Variants in CPQ observed in about 807,000 individuals in gnomAD.
CPQ encodes the protein Ser-Met dipeptidase.
Under a neutral mutation model 45.7 loss-of-function variants are expected in CPQ, and 37 were observed. The observed-to-expected ratio is 0.81, with a 90% confidence interval of 0.62 to 1.07. The LOEUF is 1.07. Among genes scored for constraint, CPQ ranks in the 50% least tolerant of loss-of-function variants. The pLI, the probability that CPQ is intolerant of heterozygous loss-of-function variation, is 0.00. For synonymous variants in CPQ, 186 were observed against 205.8 expected, an observed-to-expected ratio of 0.90 and a Z score of 0.82; for missense variants, 537 against 572.9, an observed-to-expected ratio of 0.94 and a Z score of 0.64.
chr8:96,826,405 G>A (rs942332348), intron 2 of CPQ, among the ~76,000 whole-genome samples: 1 of 151,920 alleles, frequency 6.6e-6, no homozygotes, highest in African/African-American at 2.4e-5. Flanking sequence ...ACTCAGTAAT[G>A]CTATGATAAC....
intron 7 of CPQ, among the ~76,000 whole-genome samples, chr8:97,112,397 C>T (rs1219840512): frequency 6.6e-6 from 1 of 152,102 alleles, no homozygotes; most frequent in African/African-American, 2.4e-5. Context: ...GAAGAACTGA[C>T]CCATAAGCTG....
At chr8:97,065,974 C>T in intron 6 of CPQ, 35 bp from the exon 7 acceptor site, 1 of 1,596,260 alleles carries the variant, frequency 6.3e-7, no homozygotes, top group Non-Finnish European at 8.6e-7. Context: ...ACTGAAGCAA[C>T]AGATAAGAAC....
intron 3 of CPQ, among the ~76,000 whole-genome samples, chr8:96,860,180 T>C (rs1811907419): frequency 6.6e-6 from 1 of 152,142 alleles, no homozygotes; most frequent in Non-Finnish European, 1.5e-5. Flanking sequence ...TGTGGGTACA[T>C]TTAGTACCTT....
At chr8:97,078,804 T>TCTCTCTCC (rs1810897368) in intron 7 of CPQ, among the ~76,000 whole-genome samples, 1 of 145,880 alleles carries the variant, frequency 6.9e-6, no homozygotes, top group Non-Finnish European at 1.5e-5. Context: ...TCTCTCTCTC[T>TCTCTCTCC]CTCCCTCTCT....
chr8:96,866,641 G>T (rs759292599), intron 3 of CPQ, among the ~76,000 whole-genome samples: 5 of 151,848 alleles, frequency 3.3e-5, no homozygotes, highest in Admixed American at 6.6e-5. Flanking sequence ...TGGTGTTAAC[G>T]TTCATCTATT....
At chr8:97,043,442 T>C (rs1810170798) in intron 6 of CPQ, among the ~76,000 whole-genome samples, 1 of 151,996 alleles carries the variant, frequency 6.6e-6, no homozygotes, top group Admixed American at 6.6e-5. Flanking sequence ...CTTTATCCAG[T>C]TTGCCAGTCT....
At chr8:96,742,043 T>A (rs1161808861) in intron 1 of CPQ, among the ~76,000 whole-genome samples, 2 of 144,072 alleles carry the variant, frequency 1.4e-5, no homozygotes, top group Non-Finnish European at 3.0e-5. Context: ...TGACTTTCTG[T>A]CTCATTGATC....
chr8:97,130,355 T>C (rs958114578), intron 7 of CPQ, among the ~76,000 whole-genome samples: 1 of 151,254 alleles, frequency 6.6e-6, no homozygotes, highest in African/African-American at 2.4e-5. Flanking sequence ...TGAGTATAAA[T>C]GATGAAACAG....
At chr8:96,986,977 G>T (rs1005737260) in intron 5 of CPQ, among the ~76,000 whole-genome samples, 5 of 152,174 alleles carry the variant, frequency 3.3e-5, no homozygotes, top group African/African-American at 1.2e-4. Flanking sequence ...ATCATTGTTG[G>T]CTAGTGGCCC....
intron 6 of CPQ, among the ~76,000 whole-genome samples, chr8:97,046,954 G>C (rs1810269543): frequency 6.6e-6 from 1 of 152,060 alleles, no homozygotes; most frequent in Non-Finnish European, 1.5e-5. Flanking sequence ...GTAAGGAAAA[G>C]TAATTTGTTT....
chr8:96,853,954 G>C (rs1811806366), intron 3 of CPQ, among the ~76,000 whole-genome samples: 1 of 152,170 alleles, frequency 6.6e-6, no homozygotes, highest in African/African-American at 2.4e-5. Context: ...CAGCCTAATA[G>C]CTATTCTAAC....
intron 2 of CPQ, among the ~76,000 whole-genome samples, chr8:96,827,494 T>A (rs1336236748): frequency 1.3e-5 from 2 of 152,168 alleles, no homozygotes; most frequent in African/African-American, 4.8e-5. Context: ...GGCTTGGTAT[T>A]TACTGAAGTC....
chr8:97,041,746 G>C (rs1270664003), intron 6 of CPQ, among the ~76,000 whole-genome samples: 1 of 152,160 alleles, frequency 6.6e-6, no homozygotes. Flanking sequence ...AGATAATCAT[G>C]TGGTTTTTGT....
intron 3 of CPQ, among the ~76,000 whole-genome samples, chr8:96,877,744 C>T (rs955565263): frequency 1.3e-5 from 2 of 152,066 alleles, no homozygotes; most frequent in Non-Finnish European, 2.9e-5. Flanking sequence ...TTTACAAATG[C>T]GGAAATTTAG....
chr8:96,914,521 C>T (rs1044324903), intron 4 of CPQ, among the ~76,000 whole-genome samples: 1 of 152,156 alleles, frequency 6.6e-6, no homozygotes, highest in Non-Finnish European at 1.5e-5. Flanking sequence ...CTTGTGTCCA[C>T]AAATCTGAAA....
intron 5 of CPQ, among the ~76,000 whole-genome samples, chr8:96,974,922 C>T (rs1251268337): frequency 6.6e-6 from 1 of 151,814 alleles, no homozygotes; most frequent in African/African-American, 2.4e-5. Context: ...TGAAAGAGAA[C>T]CAATAGACAA....
chr8:96,769,830 T>TG (rs1259576877), intron 1 of CPQ, among the ~76,000 whole-genome samples: 1 of 151,766 alleles, frequency 6.6e-6, no homozygotes, highest in Non-Finnish European at 1.5e-5. Context: ...TGGGTAGAGA[T>TG]GGGGTTTCAC....
chr8:97,080,720 CATG>C (rs1165397536), intron 7 of CPQ, among the ~76,000 whole-genome samples: 6 of 152,246 alleles, frequency 3.9e-5, no homozygotes, highest in East Asian at 3.9e-4. Flanking sequence ...TTGCATAATT[CATG>C]ATAACTAAAC....
chr8:97,122,960 A>T (rs1260045569), intron 7 of CPQ, among the ~76,000 whole-genome samples: 4 of 87,330 alleles, frequency 4.6e-5, no homozygotes, highest in Non-Finnish European at 7.7e-5. Context: ...ATAAAATAAA[A>T]TAAAATAAAA....
Sources: gnomAD v4.1 joint callset for allele counts (sites outside exome capture counted in the v4.1 genomes callset) on GRCh38, gnomAD v4.1.1 for gene constraint, MANE v1.5 for transcripts, NCBI Gene and HGNC (gene_info 2026-07-23, HGNC 2026-07-21) for gene names.